The following USH2A variants were observed in gnomAD, a reference collection of about 807,000 sequenced individuals.
USH2A encodes Usher syndrome 2A (autosomal recessive, mild).
A neutral mutation model predicts 538.9 loss-of-function variants in USH2A; 443 were observed. That is an observed-to-expected ratio of 0.82 (90% CI 0.76 to 0.89). USH2A has a LOEUF of 0.89. USH2A is among the 40% of genes least tolerant of loss of function. USH2A has a pLI of 0.00. For synonymous variants in USH2A, 2,413 were observed against 2,273.5 expected (o/e 1.06, Z -1.75); for missense variants, 6,633 against 6,324.8 (o/e 1.05, Z -1.65).
At chr1:215,637,739 G>T (rs559087401) in intron 69 of USH2A, among the ~76,000 whole-genome samples, 1 of 151,582 alleles carries the variant, frequency 6.6e-6, no homozygotes, top group Non-Finnish European at 1.5e-5. Context: ...TAATATACAT[G>T]TTTCATCATG....
chr1:215,769,022 A>G (rs536777800), intron 55 of USH2A, among the ~76,000 whole-genome samples: 1 of 152,330 alleles, frequency 6.6e-6, no homozygotes, highest in African/African-American at 2.4e-5. Flanking sequence ...ATGTGACCTG[A>G]CCAAAAAGGT....
chr1:215,914,636 T>C (rs981211477), intron 38 of USH2A, among the ~76,000 whole-genome samples: 5 of 152,144 alleles, frequency 3.3e-5, no homozygotes, highest in African/African-American at 7.2e-5. Flanking sequence ...CTAAGTACCT[T>C]GATCTATCCA....
chr1:215,907,154 A>G (rs1228551240), intron 38 of USH2A, among the ~76,000 whole-genome samples: 1 of 152,018 alleles, frequency 6.6e-6, no homozygotes, highest in Admixed American at 6.6e-5. Context: ...CCTTTTGTTC[A>G]CATTGAGACA....
At chr1:215,790,759 C>T (rs1035936657) in intron 50 of USH2A, among the ~76,000 whole-genome samples, 1 of 152,188 alleles carries the variant, frequency 6.6e-6, no homozygotes, top group South Asian at 2.1e-4. Flanking sequence ...GCGGGAGAAG[C>T]AGTGCAAGTT....
At chr1:215,903,524 C>T (rs1665555493) in intron 38 of USH2A, among the ~76,000 whole-genome samples, 1 of 152,024 alleles carries the variant, frequency 6.6e-6, no homozygotes, top group Admixed American at 6.6e-5. Flanking sequence ...GAAAGAATTG[C>T]CAGAGCAAAG....
intron 16 of USH2A, among the ~76,000 whole-genome samples, chr1:216,206,299 C>T (rs944002511): frequency 6.6e-6 from 1 of 152,054 alleles, no homozygotes; most frequent in African/African-American, 2.4e-5. Flanking sequence ...CAGTGGTCCC[C>T]AACTTTTTTG....
intron 3 of USH2A, among the ~76,000 whole-genome samples, chr1:216,386,410 C>T (rs566935868): frequency 2.0e-5 from 3 of 148,416 alleles, no homozygotes; most frequent in South Asian, 4.4e-4. Context: ...GGCATGAACC[C>T]GGGAGGCAGA....
chr1:215,899,553 A>T (rs1208763956), intron 40 of USH2A, among the ~76,000 whole-genome samples: 1 of 152,234 alleles, frequency 6.6e-6, no homozygotes, highest in Non-Finnish European at 1.5e-5. Context: ...TTGGTTGAAT[A>T]AAGAAATCTT....
intron 49 of USH2A, 23 bp downstream of exon 49, chr1:215,813,713 G>A (rs1409302859): frequency 6.2e-7 from 1 of 1,613,566 alleles, no homozygotes; most frequent in Admixed American, 1.7e-5. Context: ...TAGTTTTTGA[G>A]TACACCTGGA....
At chr1:216,390,833 A>G (rs2039095045) in intron 3 of USH2A, among the ~76,000 whole-genome samples, 1 of 152,216 alleles carries the variant, frequency 6.6e-6, no homozygotes, top group Admixed American at 6.5e-5. Context: ...TTGCTCATCA[A>G]TAAGACTCCT....
At chr1:215,714,143 A>C (rs1271608089) in intron 61 of USH2A, among the ~76,000 whole-genome samples, 1 of 152,264 alleles carries the variant, frequency 6.6e-6, no homozygotes, top group Non-Finnish European at 1.5e-5. Flanking sequence ...AGCTGTGAAC[A>C]TACAGATTTC....
At position 215,634,678 on chromosome 1, in the gene USH2A, T is replaced by C. The variant is rs777285916; in HGVS notation, c.15078A>G (p.Lys5026=). The change falls in exon 70 of 72, where the codon AAA becomes AAG. Residue 5026 remains lysine (K), a synonymous_variant. Coordinates refer to ENST00000307340, the MANE Select transcript of USH2A (RefSeq NM_206933.4). ...GLGLVLTTPG[K]KKGSRSKSTE... ...TGCTTTTGCTCCGCGATCCCTTCTT[T>C]TTCCCAGGAGTTGTTAGGACCAAGC... 6.2e-7 allele frequency: 1 copy of C among 1,614,218 alleles called. No individual in the cohort carries two copies. The highest frequency in any genetic ancestry group is 1.1e-5 in the South Asian group (1 of 91,084).
At chr1:216,340,304 C>A (rs1057000956) in intron 4 of USH2A, among the ~76,000 whole-genome samples, 1 of 152,018 alleles carries the variant, frequency 6.6e-6, no homozygotes, top group South Asian at 2.1e-4. Flanking sequence ...AAAGTCGAAT[C>A]CCTGAATAGA....
chr1:216,269,119 T>C (rs1336293502), intron 11 of USH2A, among the ~76,000 whole-genome samples: 2 of 152,046 alleles, frequency 1.3e-5, no homozygotes, highest in African/African-American at 4.8e-5. Flanking sequence ...AAATTACTTA[T>C]TAAAGGTGGT....
chr1:216,192,094 G>A (rs1176988694), intron 19 of USH2A, among the ~76,000 whole-genome samples: 1 of 151,918 alleles, frequency 6.6e-6, no homozygotes, highest in Non-Finnish European at 1.5e-5. Flanking sequence ...CATGAAATAA[G>A]TCTTCAAAGG....
chr1:215,702,589 C>T (rs757787269), intron 61 of USH2A, among the ~76,000 whole-genome samples: 6 of 151,602 alleles, frequency 4.0e-5, no homozygotes, highest in Non-Finnish European at 5.9e-5. Flanking sequence ...GATATCCTTT[C>T]TTCTGCTTGA....
chr1:215,847,647 GAA>G (rs751187801), intron 44 of USH2A, among the ~76,000 whole-genome samples: 3 of 133,046 alleles, frequency 2.3e-5, no homozygotes, highest in African/African-American at 2.8e-5. Context: ...CATGTCTCAG[GAA>G]AAAAAAAAAA....
At chr1:216,061,053 C>T (rs2031163226) in intron 30 of USH2A, among the ~76,000 whole-genome samples, 1 of 152,164 alleles carries the variant, frequency 6.6e-6, no homozygotes, top group Admixed American at 6.5e-5. Context: ...TAAAGAACTC[C>T]TTGCTCTGAA....
chr1:216,170,474 C>T (rs1388621816), intron 21 of USH2A, among the ~76,000 whole-genome samples: 1 of 151,990 alleles, frequency 6.6e-6, no homozygotes, highest in Non-Finnish European at 1.5e-5. Flanking sequence ...GGAATTATAT[C>T]CAGGTGCATG....
Sources: allele counts gnomAD v4.1 joint callset (sites outside exome capture counted in the v4.1 genomes callset), GRCh38; gene constraint gnomAD v4.1.1; transcripts MANE v1.5; gene names NCBI Gene and HGNC (gene_info 2026-07-23, HGNC 2026-07-21).